NUBP1: variants seen among roughly 807,000 people sequenced by gnomAD.
The protein encoded by NUBP1 is cytosolic Fe-S cluster assembly factor NUBP1.
A neutral mutation model predicts 41.8 loss-of-function variants in NUBP1; 46 were observed. That is an observed-to-expected ratio of 1.10 (90% CI 0.87 to 1.41). The LOEUF is 1.41. Among genes scored for constraint, NUBP1 ranks in the 40% most tolerant of loss-of-function variants. The pLI, the probability that NUBP1 is intolerant of heterozygous loss-of-function variation, is 0.00. For synonymous variants in NUBP1, 189 were observed against 154.6 expected (o/e 1.22, Z -1.65); for missense variants, 494 against 414.0 (o/e 1.19, Z -1.68).
At position 10,747,170 on chromosome 16, in the gene NUBP1, A is replaced by G. The variant is rs1028089379; in HGVS notation, c.152A>G (p.Lys51Arg). 4 of 1,614,082 alleles carry G rather than the reference A, an allele frequency of 2.5e-6. No homozygotes were observed. The highest frequency in any genetic ancestry group is 2.5e-6 in the Non-Finnish European group (3 of 1,180,038). The change falls in exon 3 of 11, where the codon AAG (lysine) becomes AGG (arginine). Residue 51 changes from lysine (K) to arginine (R), a missense_variant. Physicochemically the swap from Lys to Arg is conservative, Grantham distance 26 (BLOSUM62 2). Transcript: ENST00000283027. Reference sequence around the variant, plus strand: ...ATAGAGGAAATCAAAGAGAAAATGAAGACTGTAAAACACAAAATCTTGGTA... The same window carrying G: ...ATAGAGGAAATCAAAGAGAAAATGAGGACTGTAAAACACAAAATCTTGGTA... ...TAIEEIKEKM[K>R]TVKHKILVLS...
In NUBP1 at chr16:10,768,149, C is replaced by T; in HGVS notation, c.904+117C>T. On this transcript the variant is annotated intron_variant, in intron 10 of 10. Transcript: ENST00000283027. This position sits in a 1 kb window ranked among gnomAD's most constrained non-coding sequence, Gnocchi z 4.3. ...GGGTCTGTGATGACCACAGAGTGGC[C>T]CCCATAGCCGAGGAAGCCAGGAGTC... The T allele has an allele frequency of 1.2e-6, 1 of 853,032 alleles. No homozygotes were observed. The highest frequency in any genetic ancestry group is 1.9e-6 in the Non-Finnish European group (1 of 533,736). 52.8% of individuals were successfully genotyped at this position (853,032 alleles called of 1,614,324 possible). A position where few individuals can be genotyped will look rare whatever the true frequency, so the allele number is the denominator to read the frequency against.
chr16:10,761,844 C>T lies in NUBP1; in HGVS notation c.805C>T (p.Leu269=), dbSNP rs764482756. 14 of 1,613,842 alleles carry T rather than the reference C, an allele frequency of 8.7e-6. No individual in the cohort carries two copies. The highest frequency in any genetic ancestry group is 1.1e-5 in the Non-Finnish European group (13 of 1,179,864). ...LEVPLLGRVP[L]DPLIGKNCDK... is the part of the protein sequence containing the mutation. ...GGTCCCTCTCCTCGGCAGAGTGCCC[C>T]TGGATCCGCTCATAGGTGGGTGACC... Residue 269 remains leucine (L), a synonymous_variant, in exon 9 of 11, where the codon CTG becomes TTG. Coordinates refer to ENST00000283027, the MANE Select transcript of NUBP1 (RefSeq NM_002484.4).
intron 7 of NUBP1, among the ~76,000 whole-genome samples, chr16:10,758,313 A>G (rs1428966600): frequency 6.6e-6 from 1 of 152,110 alleles, no homozygotes; most frequent in Admixed American, 6.5e-5. Flanking sequence ...TCTACAAAAA[A>G]TATTTTAAAA....
Position 10,749,171 on chromosome 16 carries a change from G to A in NUBP1, c.258+1895G>A, listed in dbSNP as rs1211680697. On this transcript the variant is annotated intron_variant, in intron 3 of 10. Coordinates refer to ENST00000283027, the MANE Select transcript of NUBP1 (RefSeq NM_002484.4). The surrounding 1 kb of genome is among the most constrained non-coding windows in gnomAD (Gnocchi z 4.1). ...CACACACACACACACACACACACAC[G>A]TTGATTCGTCATTCTGTGAGTCAGC... Among the ~76,000 whole-genome samples, 6 of 122,174 alleles carry A rather than the reference G, an allele frequency of 4.9e-5. No individual in the cohort carries two copies. The highest frequency in any genetic ancestry group is 6.6e-5 in the Non-Finnish European group (4 of 60,382). The allele number at this position is 122,174 out of a possible 152,430, so 80.2% of individuals were successfully genotyped here.
chr16:10,755,588 T>C, intron 4 of NUBP1, 133 bp from the exon 5 acceptor site: 1 of 883,006 alleles, frequency 1.1e-6, no homozygotes, highest in Non-Finnish European at 1.8e-6. Context: ...TTTAGGAATT[T>C]CGTGGTACCA....
intron 9 of NUBP1, among the ~76,000 whole-genome samples, chr16:10,762,271 C>T (rs753580836): frequency 2.0e-5 from 3 of 152,138 alleles, no homozygotes; most frequent in Non-Finnish European, 2.9e-5. Flanking sequence ...CAGCACGGCA[C>T]AGATGAGGCC....
intron 4 of NUBP1, among the ~76,000 whole-genome samples, chr16:10,753,304 T>C (rs546593619): frequency 6.6e-6 from 1 of 152,318 alleles, no homozygotes; most frequent in African/African-American, 2.4e-5. Flanking sequence ...AATTTAGCTC[T>C]GACTGGGAAC....
At chr16:10,755,571 A>C (rs907618887) in intron 4 of NUBP1, 150 bp from the exon 5 acceptor site, 34 of 754,186 alleles carry the variant, frequency 4.5e-5, no homozygotes, top group Non-Finnish European at 6.9e-5. Context: ...CTAGCTGTTC[A>C]CCTCCTTTTA....
rs758186337 is a variant in NUBP1 at position 10,767,939 on chromosome 16, CT to C, written c.821-4del. ...GGACTGAATTGTCTTCCGTTTGTTT[CT>C]TTTTTAAGGTAAGAATTGTGACAAA... On this transcript the variant is annotated splice_polypyrimidine_tract_variant and intron_variant, in intron 9 of 10. Transcript: ENST00000283027. This position sits in a 1 kb window ranked among gnomAD's most constrained non-coding sequence, Gnocchi z 4.6. 6.2e-7 allele frequency: 1 copy of C among 1,613,884 alleles called. No individual in the cohort carries two copies. Among genetic ancestry groups the C allele is most frequent in the South Asian group, 1.1e-5 (1 of 91,074 alleles).
At chr16:10,758,206 C>T (rs994688402) in intron 7 of NUBP1, among the ~76,000 whole-genome samples, 179 bp downstream of exon 7, 1 of 152,180 alleles carries the variant, frequency 6.6e-6, no homozygotes, top group Non-Finnish European at 1.5e-5. Flanking sequence ...CACAGTGATT[C>T]ACACCTGTAA....
At chr16:10,746,524 TG>T (rs1181505390) in intron 2 of NUBP1, among the ~76,000 whole-genome samples, 2 of 152,114 alleles carry the variant, frequency 1.3e-5, no homozygotes, top group African/African-American at 4.8e-5. Flanking sequence ...GTGGATCACT[TG>T]AGGTTGGAAG....
At chr16:10,756,170 G>A (rs1027537487) in intron 5 of NUBP1, among the ~76,000 whole-genome samples, 2 of 152,192 alleles carry the variant, frequency 1.3e-5, no homozygotes, top group Middle Eastern at 3.2e-3. Context: ...CTTGAGGCCA[G>A]GAGTTCGAGA....
At position 10,767,434 on chromosome 16, in the gene NUBP1, C is replaced by A; in HGVS notation, c.821-515C>A. 2.5e-6 allele frequency: 1 copy of A among 400,164 alleles called. No individual in the cohort carries two copies. Among genetic ancestry groups the A allele is most frequent in the South Asian group, 1.3e-4 (1 of 7,484 alleles). The allele number at this position is 400,164 out of a possible 1,614,324, so 24.8% of individuals were successfully genotyped here. A position where few individuals can be genotyped will look rare whatever the true frequency, so the allele number is the denominator to read the frequency against. On this transcript the variant is annotated intron_variant, in intron 9 of 10. Coordinates refer to ENST00000283027, the MANE Select transcript of NUBP1 (RefSeq NM_002484.4). This position sits in a 1 kb window ranked among gnomAD's most constrained non-coding sequence, Gnocchi z 4.6. ...AAAGCAGCAGGCAGAATGTGTGTGTCATGTGCTCCCATTCGTATTTTAGGT... is the reference window on the plus strand; with the variant it reads ...AAAGCAGCAGGCAGAATGTGTGTGTAATGTGCTCCCATTCGTATTTTAGGT...
chr16:10,762,970 C>T (rs375279616), intron 9 of NUBP1, among the ~76,000 whole-genome samples: 7 of 152,086 alleles, frequency 4.6e-5, no homozygotes, highest in African/African-American at 1.7e-4. Context: ...GGAGTGGCTG[C>T]CCTGGGATAG....
intron 3 of NUBP1, among the ~76,000 whole-genome samples, chr16:10,750,706 C>T (rs1596452022): frequency 6.6e-6 from 1 of 152,258 alleles, no homozygotes; most frequent in African/African-American, 2.4e-5. Flanking sequence ...TCTCACAGAT[C>T]AGAAGCCCAG....
chr16:10,768,982 C>A lies in NUBP1; in HGVS notation c.905-65C>A, dbSNP rs1363411278. The A allele has an allele frequency of 1.9e-5, 28 of 1,463,158 alleles. 1 individual carries two copies. Among genetic ancestry groups the A allele is most frequent in the Non-Finnish European group, 2.5e-5 (26 of 1,044,336 alleles). The allele number at this position is 1,463,158 out of a possible 1,614,324, so 90.6% of individuals were successfully genotyped here. ...TGTCAAAACACAGCCCTCCCCAGCACAGGACAGGGCTGTCAAGGGGTAGAC... is the reference window on the plus strand; with the variant it reads ...TGTCAAAACACAGCCCTCCCCAGCAAAGGACAGGGCTGTCAAGGGGTAGAC... On this transcript the variant is annotated intron_variant, in intron 10 of 10. Transcript: ENST00000283027. The surrounding 1 kb of genome is among the most constrained non-coding windows in gnomAD (Gnocchi z 4.3).
rs141048997 is a variant in NUBP1, at chr16:10,769,323, G to A, written c.*218G>A. 892 of 477,310 alleles carry A rather than the reference G, an allele frequency of 1.9e-3. 10 individuals carry two copies. The highest frequency in any genetic ancestry group is 0.015 in the African/African-American group (742 of 50,024). 29.6% of individuals were successfully genotyped at this position (477,310 alleles called of 1,614,324 possible). A position where few individuals can be genotyped will look rare whatever the true frequency, so the allele number is the denominator to read the frequency against. Reference sequence around the variant, plus strand: ...AAAGGGCATTCTCTACAAATGTGCCGTTTTAAGAATAAAACCCCCTCAAAT... The same window carrying A: ...AAAGGGCATTCTCTACAAATGTGCCATTTTAAGAATAAAACCCCCTCAAAT... On this transcript the variant is annotated 3_prime_UTR_variant, in exon 11 of 11. Transcript: ENST00000283027.
Position 10,766,404 on chromosome 16 carries a change from A to G in NUBP1, c.821-1545A>G, listed in dbSNP as rs1362774434. On this transcript the variant is annotated intron_variant, in intron 9 of 10. Coordinates refer to ENST00000283027, the MANE Select transcript of NUBP1 (RefSeq NM_002484.4). The surrounding 1 kb of genome is among the most constrained non-coding windows in gnomAD (Gnocchi z 4.8). ...TTGGAGAGGTGGGAGCCCAGGGGGA[A>G]ATGCAGTTAGGAAGGGAAAACACTA... Among the ~76,000 whole-genome samples the G allele has an allele frequency of 6.6e-6, 1 of 152,070 alleles. No homozygotes were observed. The highest frequency in any genetic ancestry group is 2.4e-5 in the African/African-American group (1 of 41,412).
In NUBP1 at chr16:10,749,436, A is replaced by G. The variant is rs150658104; in HGVS notation, c.258+2160A>G. Among the ~76,000 whole-genome samples the G allele has an allele frequency of 2.2e-3, 329 of 152,280 alleles. 2 individuals carry two copies. The highest frequency in any genetic ancestry group is 7.5e-3 in the African/African-American group (312 of 41,540). On this transcript the variant is annotated intron_variant, in intron 3 of 10. Coordinates refer to ENST00000283027, the MANE Select transcript of NUBP1 (RefSeq NM_002484.4). The surrounding 1 kb of genome is among the most constrained non-coding windows in gnomAD (Gnocchi z 4.1). ...AATTACGTTCTGAAGTCTTTGCTGC[A>G]TGCCTGTCTAGACTTTGCAGTATAC...
Sources: allele counts gnomAD v4.1 joint callset (sites outside exome capture counted in the v4.1 genomes callset), GRCh38; gene constraint gnomAD v4.1.1; non-coding constraint Gnocchi (gnomAD v3.1); transcripts MANE v1.5; gene names NCBI Gene and HGNC (gene_info 2026-07-23, HGNC 2026-07-21).